The following SOX6 variants were observed in gnomAD, a reference collection of about 807,000 sequenced individuals.
SOX6 encodes the protein SRY-box transcription factor 6.
SOX6 carries 11 observed loss-of-function variants against 97.8 expected under a neutral mutation model. The ratio of observed to expected loss-of-function variants is 0.11; its 90% CI spans 0.07 to 0.19. The LOEUF (loss-of-function observed/expected upper bound fraction) is 0.19, where lower values mean the gene tolerates loss of function less well. SOX6 is among the 10% of genes least tolerant of loss of function. The pLI is 1.00. For missense variants in SOX6, 810 were observed against 1,039.5 expected, an observed-to-expected ratio of 0.78 and a Z score of 3.04; for synonymous variants, 360 against 371.4, an observed-to-expected ratio of 0.97 and a Z score of 0.35.
rs1860348933 is a variant in SOX6 at position 16,481,846 on chromosome 11, G to A, written n.610-5458C>T. 2.0e-5 allele frequency among the ~76,000 whole-genome samples: 3 copies of A among 151,888 alleles called. No homozygotes were observed. In the South Asian group the frequency reaches 6.2e-4, roughly 32 times the overall value. On this transcript the variant is annotated intron_variant and non_coding_transcript_variant, in intron 4 of 5. Transcript: ENST00000524520. ...ACATTTATCAATACTTACTATATTA[G>A]AAACTAAAACTTTAAAGTTTTTAAA...
chr11:16,026,927 C>T lies in SOX6; in HGVS notation c.1624-11877G>A, dbSNP rs35646855. On this transcript the variant is annotated intron_variant, in intron 12 of 15. Transcript: ENST00000683767. ...TTCAAAACAGTACTCCAATATGGCA[C>T]CATTACAAAAGACAAAAGATAGTGT... is the stretch of plus-strand genomic sequence containing the variant. Among the ~76,000 whole-genome samples the T allele has an allele frequency of 6.3e-3, 963 of 152,112 alleles. 5 individuals carry two copies. The highest frequency in any genetic ancestry group is 7.4e-3 in the Non-Finnish European group (504 of 67,994).
chr11:16,633,794 G>A (rs893105962), intron 3 of SOX6, among the ~76,000 whole-genome samples: 1 of 152,142 alleles, frequency 6.6e-6, no homozygotes, highest in African/African-American at 2.4e-5. Flanking sequence ...ATATGGGGCC[G>A]ACTAAAATCA....
chr11:16,245,613 GTTA>G (rs1853313355), intron 3 of SOX6, among the ~76,000 whole-genome samples: 1 of 151,416 alleles, frequency 6.6e-6, no homozygotes, highest in Non-Finnish European at 1.5e-5. Flanking sequence ...TTAAAGCTCT[GTTA>G]TTATTAATAC....
chr11:16,359,650 A>C (rs996968585), upstream of SOX6, among the ~76,000 whole-genome samples: 3 of 152,152 alleles, frequency 2.0e-5, no homozygotes, highest in Non-Finnish European at 4.4e-5. Context: ...TCAAGTCTCC[A>C]TTTTAAGTCT....
chr11:16,466,076 T>C (rs937514963), intron 1 of SOX6, among the ~76,000 whole-genome samples: 1 of 152,224 alleles, frequency 6.6e-6, no homozygotes, highest in Admixed American at 6.5e-5. Flanking sequence ...AAAGGTGATG[T>C]TTTGGAAATT....
At chr11:16,024,336 C>T (rs573443399) in intron 12 of SOX6, among the ~76,000 whole-genome samples, 1 of 152,200 alleles carries the variant, frequency 6.6e-6, no homozygotes, top group East Asian at 1.9e-4. Flanking sequence ...CCAACTAATA[C>T]AATGGCAGCT....
intron 3 of SOX6, among the ~76,000 whole-genome samples, chr11:16,710,832 A>T (rs908285667): frequency 4.0e-5 from 6 of 150,986 alleles, no homozygotes; most frequent in African/African-American, 1.5e-4. Context: ...GTATTTCCAC[A>T]TATATATCTC....
chr11:16,503,703 T>C (rs1383908818), intron 4 of SOX6, among the ~76,000 whole-genome samples: 2 of 152,080 alleles, frequency 1.3e-5, no homozygotes, highest in African/African-American at 4.8e-5. Flanking sequence ...GATGAAAATG[T>C]CATTATATAA....
chr11:16,259,801 C>A (rs1383121818), intron 3 of SOX6, among the ~76,000 whole-genome samples: 1 of 151,830 alleles, frequency 6.6e-6, no homozygotes, highest in East Asian at 1.9e-4. Context: ...TTCCAGGATA[C>A]TAGAAATGTT....
intron 6 of SOX6, among the ~76,000 whole-genome samples, chr11:16,169,396 T>C (rs1850971856): frequency 6.6e-6 from 1 of 152,012 alleles, no homozygotes; most frequent in Admixed American, 6.6e-5. Flanking sequence ...TTACTAAGCT[T>C]GAAAGGAAAA....
chr11:16,014,875 A>G (rs1474722769), intron 13 of SOX6, 67 bp downstream of exon 13: 2 of 1,432,198 alleles, frequency 1.4e-6, no homozygotes, highest in African/African-American at 2.8e-5. Flanking sequence ...AAGATCCTAT[A>G]TCTAGCTCAG....
intron 3 of SOX6, among the ~76,000 whole-genome samples, chr11:16,641,378 A>G (rs868671096): frequency 6.6e-6 from 1 of 151,844 alleles, no homozygotes; most frequent in African/African-American, 2.4e-5. Context: ...AGAAGAATGT[A>G]TATGTTGATT....
chr11:16,141,866 T>A (rs1850152465), intron 6 of SOX6, among the ~76,000 whole-genome samples: 1 of 152,116 alleles, frequency 6.6e-6, no homozygotes, highest in African/African-American at 2.4e-5. Flanking sequence ...AAGCTCGAAC[T>A]GGGAGGAGCC....
chr11:16,475,444 T>G (rs556477588), intron 1 of SOX6, among the ~76,000 whole-genome samples: 3 of 152,118 alleles, frequency 2.0e-5, no homozygotes, highest in Non-Finnish European at 4.4e-5. Context: ...CATTGTAGGG[T>G]TATTAATTGG....
chr11:16,367,515 C>T (rs898968442), intron 1 of SOX6, among the ~76,000 whole-genome samples: 2 of 152,234 alleles, frequency 1.3e-5, no homozygotes, highest in Admixed American at 1.3e-4. Context: ...GAACCTACTC[C>T]CAAAGTACAG....
rs750502058 is a variant in SOX6, at chr11:16,046,610, C to T, written c.1527G>A (p.Gln509=). 1 of 1,613,824 alleles carries T rather than the reference C, an allele frequency of 6.2e-7. No homozygotes were observed. Among genetic ancestry groups the T allele is most frequent in the Non-Finnish European group, 8.5e-7 (1 of 1,179,830 alleles). ...AIQEARKMRE[Q]IQREQQQQQP... ...GTTGCTGCTGTTGCTCCCGCTGGAT[C>T]TGCTCTCGCATCTTCCGCGCCTCCT... The change falls in exon 12 of 16, where the codon CAG becomes CAA. Residue 509 remains glutamine (Q), a synonymous_variant. Coordinates refer to ENST00000683767, the MANE Select transcript of SOX6 (RefSeq NM_001367873.1).
intron 9 of SOX6, among the ~76,000 whole-genome samples, chr11:16,070,746 T>A (rs1268838760): frequency 3.3e-5 from 5 of 151,134 alleles, no homozygotes; most frequent in Non-Finnish European, 7.4e-5. Flanking sequence ...GGAGAACTTC[T>A]CTAACATGGG....
chr11:16,397,377 T>C (rs1858392442), intron 1 of SOX6: 1 of 152,004 alleles, frequency 6.6e-6, no homozygotes, highest in Non-Finnish European at 1.5e-5. Context: ...CATCTTAGAC[T>C]TAATTGTTTA....
chr11:16,522,609 C>G (rs190351469), intron 4 of SOX6, among the ~76,000 whole-genome samples: 85 of 151,500 alleles, frequency 5.6e-4, no homozygotes, highest in Non-Finnish European at 1.0e-3. Flanking sequence ...CATAATGACA[C>G]GATCAAATTC....
Sources: gnomAD v4.1 joint callset for allele counts (sites outside exome capture counted in the v4.1 genomes callset) on GRCh38, gnomAD v4.1.1 for gene constraint, MANE v1.5 for transcripts, NCBI Gene and HGNC (gene_info 2026-07-23, HGNC 2026-07-21) for gene names.